The following STAB2 variants were observed in gnomAD, a reference collection of about 807,000 sequenced individuals.
STAB2 encodes stabilin 2.
STAB2 carries 288 observed loss-of-function variants against 338.1 expected under a neutral mutation model. That is an observed-to-expected ratio of 0.85 (90% CI 0.77 to 0.94). STAB2 has a LOEUF of 0.94. Ranked by LOEUF, STAB2 falls within the 40% of genes least tolerant of loss-of-function variation. The probability of loss-of-function intolerance (pLI) is 0.00; values close to 1 mark genes in which losing one functional copy is unlikely to be tolerated. For missense variants in STAB2, 3,141 were observed against 3,210.1 expected (o/e 0.98, Z 0.52); for synonymous variants, 1,202 against 1,193.3 (o/e 1.01, Z -0.15).
chr12:103,628,045 C>T (rs939318010), intron 5 of STAB2, among the ~76,000 whole-genome samples: 1 of 152,354 alleles, frequency 6.6e-6, no homozygotes, highest in Admixed American at 6.5e-5. Flanking sequence ...TCCCTCCTCA[C>T]CCCACTTATC....
At chr12:103,749,841 C>CAAAAGAAAAAAA (rs1883452197) in intron 59 of STAB2, among the ~76,000 whole-genome samples, 1 of 51,132 alleles carries the variant, frequency 2.0e-5, no homozygotes, top group Non-Finnish European at 3.5e-5. Flanking sequence ...CTCTGTCTCA[C>CAAAAGAAAAAAA]AAAAAAAAAA....
At chr12:103,682,643 C>T (rs1331552039) in intron 25 of STAB2, among the ~76,000 whole-genome samples, 1 of 152,142 alleles carries the variant, frequency 6.6e-6, no homozygotes, top group Admixed American at 6.6e-5. Context: ...CCATAGGACC[C>T]TCTGGAGTAA....
chr12:103,685,225 A>G lies in STAB2; in HGVS notation c.2997+141A>G, dbSNP rs1248393741. 5.2e-6 allele frequency: 4 copies of G among 774,468 alleles called. No individual in the cohort carries two copies. In the East Asian group the frequency reaches 8.2e-5, roughly 16 times the overall value. 48.0% of individuals were successfully genotyped at this position (774,468 alleles called of 1,614,324 possible). A position where few individuals can be genotyped will look rare whatever the true frequency, so the allele number is the denominator to read the frequency against. On this transcript the variant is annotated intron_variant, in intron 27 of 68. Coordinates refer to ENST00000388887, the MANE Select transcript of STAB2 (RefSeq NM_017564.10). ...AAGCAAGCTGTTTCTCACAGATGACATACATGCTCTGTGGGTCACGTTTTC... is the reference window on the plus strand; with the variant it reads ...AAGCAAGCTGTTTCTCACAGATGACGTACATGCTCTGTGGGTCACGTTTTC...
At chr12:103,691,431 CT>C (rs796698464) in intron 30 of STAB2, among the ~76,000 whole-genome samples, 38 of 152,266 alleles carry the variant, frequency 2.5e-4, no homozygotes, top group African/African-American at 8.9e-4. Flanking sequence ...GGTCCTATGG[CT>C]TTTTAATATC....
chr12:103,591,039 G>A lies in STAB2; in HGVS notation c.215+9G>A, dbSNP rs906580986. 1 of 1,613,254 alleles carries A rather than the reference G, an allele frequency of 6.2e-7. No individual in the cohort carries two copies. The highest frequency in any genetic ancestry group is 1.1e-5 in the South Asian group (1 of 90,798). ...GGGGTTCGAGATTGCAGGTACTCAT[G>A]AGAAAATAAACGTGATGGAACTATG... On this transcript the variant is annotated intron_variant, in intron 2 of 68. Transcript: ENST00000388887.
At chr12:103,671,073 C>T (rs1335003297) in intron 22 of STAB2, among the ~76,000 whole-genome samples, 3 of 152,176 alleles carry the variant, frequency 2.0e-5, no homozygotes, top group Admixed American at 6.5e-5. Context: ...GGGGCACTAA[C>T]ACTGCTGGTC....
intron 11 of STAB2, among the ~76,000 whole-genome samples, chr12:103,651,883 C>G (rs1435934031): frequency 6.6e-6 from 1 of 152,116 alleles, no homozygotes; most frequent in Non-Finnish European, 1.5e-5. Flanking sequence ...CCTCATATAC[C>G]ACCACGATTA....
chr12:103,715,122 T>C (rs1213268101), intron 42 of STAB2, among the ~76,000 whole-genome samples: 1 of 152,204 alleles, frequency 6.6e-6, no homozygotes, highest in South Asian at 2.1e-4. Context: ...TTTAGTAGCA[T>C]GTCCTTTATT....
rs1301497359 is a variant in STAB2 at position 103,683,243 on chromosome 12, G to A, written c.2844G>A (p.Gly948=). 4 of 1,612,984 alleles carry A rather than the reference G, an allele frequency of 2.5e-6. No homozygotes were observed. Among genetic ancestry groups the A allele is most frequent in the South Asian group, 2.2e-5 (2 of 90,902 alleles). Reference sequence around the variant, plus strand: ...GCAAGAAAGGATTTCGAGGAAATGGGATTGACTGTGAACCAATAACTTCAT... The same window carrying A: ...GCAAGAAAGGATTTCGAGGAAATGGAATTGACTGTGAACCAATAACTTCAT... The part of the protein sequence containing the change: ...CECKKGFRGN[G]IDCEPITSCL... Residue 948 remains glycine, a synonymous_variant, in exon 26 of 69, where the codon GGG becomes GGA. Transcript: ENST00000388887.
At chr12:103,727,821 C>G (rs1881331822) in intron 47 of STAB2, among the ~76,000 whole-genome samples, 1 of 152,016 alleles carries the variant, frequency 6.6e-6, no homozygotes, top group Non-Finnish European at 1.5e-5. Flanking sequence ...TTCTGAGTAC[C>G]CGGCTTAGAA....
intron 28 of STAB2, 79 bp from the exon 29 acceptor site, chr12:103,689,767 C>G: frequency 6.5e-7 from 1 of 1,526,938 alleles, no homozygotes; most frequent in South Asian, 1.3e-5. Context: ...GGGAAATTGT[C>G]ATCTCTTCCA....
At chr12:103,748,047 T>C (rs983065824) in intron 58 of STAB2, among the ~76,000 whole-genome samples, 1 of 150,882 alleles carries the variant, frequency 6.6e-6, no homozygotes, top group South Asian at 2.1e-4. Flanking sequence ...AGACTAGGTA[T>C]TGAGGAAAAA....
intron 16 of STAB2, 66 bp from the exon 17 acceptor site, chr12:103,660,617 T>G: frequency 6.5e-7 from 1 of 1,549,596 alleles, no homozygotes; most frequent in South Asian, 1.1e-5. Context: ...TAGTGAGGAC[T>G]TTAAGAACTC....
chr12:103,707,268 A>G (rs1486015537), intron 38 of STAB2, among the ~76,000 whole-genome samples: 1 of 152,258 alleles, frequency 6.6e-6, no homozygotes, highest in African/African-American at 2.4e-5. Flanking sequence ...TTGCCTATGC[A>G]CACTAATCAT....
In STAB2 at chr12:103,689,859, A is replaced by G. The variant is rs779880258; in HGVS notation, c.3059A>G (p.Gln1020Arg). Residue 1020 changes from glutamine (Q) to arginine (R), a missense_variant, in exon 29 of 69, where the codon CAA (glutamine) becomes CGA (arginine). Transcript: ENST00000388887. ...TCTGTGGTTCAGAATGCTTCTCTACAACCCACACTGTCAGCCACCTCAAAC... is the reference window on the plus strand; with the variant it reads ...TCTGTGGTTCAGAATGCTTCTCTACGACCCACACTGTCAGCCACCTCAAAC... ...FNRWINNASL[Q>R]PTLSATSNLT... 2.4e-5 allele frequency: 38 copies of G among 1,613,752 alleles called. No homozygotes were observed. Among genetic ancestry groups the G allele is most frequent in the Non-Finnish European group, 3.1e-5 (36 of 1,179,924 alleles).
intron 49 of STAB2, 80 bp from the exon 50 acceptor site, chr12:103,731,496 T>G (rs1339486688): frequency 6.7e-7 from 1 of 1,500,372 alleles, no homozygotes; most frequent in Non-Finnish European, 9.1e-7. Flanking sequence ...TACCTTTACT[T>G]TTTTTCACTT....
intron 34 of STAB2, among the ~76,000 whole-genome samples, chr12:103,699,900 C>G (rs995952088): frequency 2.0e-5 from 3 of 152,230 alleles, no homozygotes; most frequent in African/African-American, 7.2e-5. Flanking sequence ...AGATGGCCCC[C>G]AAGCCGTGCC....
At chr12:103,702,744 T>G (rs1488588066) in intron 34 of STAB2, among the ~76,000 whole-genome samples, 1 of 152,244 alleles carries the variant, frequency 6.6e-6, no homozygotes, top group African/African-American at 2.4e-5. Context: ...CCAGAACCAC[T>G]GGTCTACAGC....
Position 103,685,023 on chromosome 12 carries a change from G to T in STAB2, c.2936G>T (p.Ser979Ile). 1 of 1,614,022 alleles carries T rather than the reference G, an allele frequency of 6.2e-7. No individual in the cohort carries two copies. The highest frequency in any genetic ancestry group is 8.5e-7 in the Non-Finnish European group (1 of 1,179,922). Reference protein sequence around the residue: ...SCQSTSSGVWSCVCQEGYEGD... With the variant: ...SCQSTSSGVWICVCQEGYEGD... ...CAATCTACTTCGTCTGGTGTCTGGA[G>T]CTGTGTTTGTCAAGAGGGCTATGAA... is the stretch of plus-strand genomic sequence containing the variant. Residue 979 changes from serine to isoleucine, a missense_variant, in exon 27 of 69, where the codon AGC (serine) becomes ATC (isoleucine). By Grantham distance (142) the Ser-to-Ile change is moderately radical (BLOSUM62 -2). Coordinates refer to ENST00000388887, the MANE Select transcript of STAB2 (RefSeq NM_017564.10).
Sources: allele counts gnomAD v4.1 joint callset (sites outside exome capture counted in the v4.1 genomes callset), GRCh38; gene constraint gnomAD v4.1.1; transcripts MANE v1.5; gene names NCBI Gene and HGNC (gene_info 2026-07-23, HGNC 2026-07-21).